The following SETD1A variants were observed in gnomAD, a reference collection of about 807,000 sequenced individuals.
SETD1A encodes the protein SET domain containing 1A, histone lysine methyltransferase, also known as histone-lysine N-methyltransferase SETD1A.
In SETD1A, 29 loss-of-function variants were observed where a neutral mutation model predicts 149.9. The observed-to-expected ratio is 0.19, with a 90% CI of 0.14 to 0.26. The LOEUF is 0.26. Among genes scored for constraint, SETD1A ranks in the 10% least tolerant of loss-of-function variants. The probability of loss-of-function intolerance (pLI) is 1.00; values close to 1 mark genes in which losing one functional copy is unlikely to be tolerated. For synonymous variants in SETD1A, 1,141 were observed against 968.5 expected (o/e 1.18, Z -3.31); for missense variants, 2,109 against 2,353.1 (o/e 0.90, Z 2.15).
intron 12 of SETD1A, 91 bp downstream of exon 12, chr16:30,969,780 CTGGGCT>C: frequency 9.7e-7 from 1 of 1,026,266 alleles, no homozygotes; most frequent in Non-Finnish European, 1.5e-6. Context: ...GACCTTCCTG[CTGGGCT>C]TGTGGGTCAC....
Position 30,963,536 on chromosome 16 carries a change from G to A in SETD1A, c.621G>A (p.Ser207=), listed in dbSNP as rs141357385. 1.3e-4 allele frequency: 206 copies of A among 1,612,960 alleles called. No individual in the cohort carries two copies. The African/African-American group carries it at 2.3e-3, about 18-fold the overall frequency. The change falls in exon 5 of 19, where the codon TCG becomes TCA. Residue 207 remains serine (S), a synonymous_variant. Coordinates refer to ENST00000262519, the MANE Select transcript of SETD1A (RefSeq NM_014712.3). ...GKALSEKFQG[S]GAATETAESR... ...CCCTGAGTGAGAAGTTCCAAGGCTCGGGTGCAGCCACTGAGACGGTGAGAA... is the reference window on the plus strand; with the variant it reads ...CCCTGAGTGAGAAGTTCCAAGGCTCAGGTGCAGCCACTGAGACGGTGAGAA...
chr16:30,971,522 C>T lies in SETD1A; in HGVS notation c.3161C>T (p.Ser1054Phe), dbSNP rs1160667324. 2 of 1,613,730 alleles carry T rather than the reference C, an allele frequency of 1.2e-6. No homozygotes were observed. Among genetic ancestry groups the T allele is most frequent in the Non-Finnish European group, 1.7e-6 (2 of 1,179,860 alleles). The change falls in exon 13 of 19, where the codon TCC (serine) becomes TTC (phenylalanine). Residue 1054 changes from serine (S) to phenylalanine (F), a missense_variant. Physicochemically the swap from Ser to Phe is radical, Grantham distance 155. Around this residue, in one of 8 missense-constraint regions of SETD1A, gnomAD observed 832 missense variants for 815.6 expected, o/e 1.02. Coordinates refer to ENST00000262519, the MANE Select transcript of SETD1A (RefSeq NM_014712.3). ...SSSSSSSSSS[S>F]SSSSESSSED... ...TCCTCCTCGTCCTCATCCTCCTCGTCCTCTTCATCCTCTGAGTCCTCCTCT... is the reference window on the plus strand; with the variant it reads ...TCCTCCTCGTCCTCATCCTCCTCGTTCTCTTCATCCTCTGAGTCCTCCTCT...
At chr16:30,978,816 C>T (rs1417145451) in intron 13 of SETD1A, among the ~76,000 whole-genome samples, 3 of 152,168 alleles carry the variant, frequency 2.0e-5, no homozygotes, top group South Asian at 2.1e-4. Flanking sequence ...GAGTCCAGGG[C>T]GAGTGGTGCC....
chr16:30,982,937 G>C (rs957698448), intron 17 of SETD1A, among the ~76,000 whole-genome samples: 1 of 152,174 alleles, frequency 6.6e-6, no homozygotes, highest in East Asian at 1.9e-4. Flanking sequence ...ACAAATATAT[G>C]GTCAAGATGA....
rs569639245 is a variant in SETD1A at position 30,984,378 on chromosome 16, G to A, written c.*355G>A. The A allele has an allele frequency of 2.9e-4, 65 of 227,740 alleles. No individual in the cohort carries two copies. Among genetic ancestry groups the A allele is most frequent in the Admixed American group, 2.7e-3 (52 of 19,402 alleles). 14.1% of individuals were successfully genotyped at this position (227,740 alleles called of 1,614,324 possible). A position where few individuals can be genotyped will look rare whatever the true frequency, so the allele number is the denominator to read the frequency against. ...TGTGTTAATGGGGACTTCCCCTTAC[G>A]CCCTGCGTGTACCCCTCCCCAGTTT... On this transcript the variant is annotated 3_prime_UTR_variant, in exon 19 of 19. Coordinates refer to ENST00000262519, the MANE Select transcript of SETD1A (RefSeq NM_014712.3).
At chr16:30,971,844 A>T (rs981923050) in intron 13 of SETD1A, 125 bp downstream of exon 13, 2 of 1,253,116 alleles carry the variant, frequency 1.6e-6, no homozygotes. Context: ...AGAAAATGTC[A>T]CCATCTCCTG....
At chr16:30,973,058 C>T (rs374407220) in intron 13 of SETD1A, among the ~76,000 whole-genome samples, 7 of 151,982 alleles carry the variant, frequency 4.6e-5, no homozygotes, top group Admixed American at 2.6e-4. Flanking sequence ...GGGGAAGCAG[C>T]GGGTTGGAAG....
chr16:30,966,055 C>T lies in SETD1A; in HGVS notation c.2174C>T (p.Ala725Val), dbSNP rs532924673. 6 of 1,574,620 alleles carry T rather than the reference C, an allele frequency of 3.8e-6. No homozygotes were observed. The East Asian group carries it at 6.7e-5, about 18-fold the overall frequency. The stretch of plus-strand genomic sequence containing the variant: ...CCGTTTCCACCCCCGCAGGAGGCAG[C>T]CTACGGCTTGCCGTATGCTCTATAT... ...FLPFPPPQEA[A>V]YGLPYALYAQ... Residue 725 changes from alanine to valine, a missense_variant, in exon 8 of 19, where the codon GCC becomes GTC. By Grantham distance (64) the Ala-to-Val change is moderately conservative. Transcript: ENST00000262519.
chr16:30,963,386 A>G, intron 4 of SETD1A, 47 bp from the exon 5 acceptor site: 1 of 1,539,482 alleles, frequency 6.5e-7, no homozygotes, highest in South Asian at 1.2e-5. Flanking sequence ...ATCAGGAAGG[A>G]GTTAGTATCT....
chr16:30,979,542 C>T lies in SETD1A; in HGVS notation c.3756C>T (p.Asp1252=). 6.2e-7 allele frequency: 1 copy of T among 1,608,254 alleles called. No individual in the cohort carries two copies. Among genetic ancestry groups the T allele is most frequent in the Non-Finnish European group, 8.5e-7 (1 of 1,178,564 alleles). Residue 1252 remains aspartate, a synonymous_variant, in exon 14 of 19, where the codon GAC becomes GAT. Coordinates refer to ENST00000262519, the MANE Select transcript of SETD1A (RefSeq NM_014712.3). The part of the protein sequence containing the change: ...EEEAEPGTEV[D]LAVLADLALT... ...AGGCTGAGCCAGGGACAGAGGTGGA[C>T]CTGGCGGTCCTGGCCGACCTGGCCC...
At chr16:30,967,151 T>C (rs2056159647) in intron 9 of SETD1A, 91 bp downstream of exon 9, 1 of 980,694 alleles carries the variant, frequency 1.0e-6, no homozygotes, top group South Asian at 1.7e-5. Context: ...ACCATGAGTG[T>C]TTGAGTTTTT....
chr16:30,965,219 G>A lies in SETD1A; in HGVS notation c.1477G>A (p.Glu493Lys), dbSNP rs559882436. 3 of 1,614,164 alleles carry A rather than the reference G, an allele frequency of 1.9e-6. No homozygotes were observed. The highest frequency in any genetic ancestry group is 1.1e-5 in the South Asian group (1 of 91,088). ...AQHSSLDSRI[E>K]MLLKEQRSKF... Reference sequence around the variant, plus strand: ...GCACAGCAGCCTGGATTCCCGCATCGAGATGCTGCTGAAGGAGCAGCGCTC... The same window carrying A: ...GCACAGCAGCCTGGATTCCCGCATCAAGATGCTGCTGAAGGAGCAGCGCTC... Residue 493 changes from glutamate to lysine, a missense_variant, in exon 7 of 19, where the codon GAG (glutamate) becomes AAG (lysine). Glu to Lys is a moderately conservative substitution (Grantham distance 56). Transcript: ENST00000262519.
At chr16:30,967,256 C>T (rs1197599001) in intron 9 of SETD1A, among the ~76,000 whole-genome samples, 196 bp downstream of exon 9, 2 of 152,106 alleles carry the variant, frequency 1.3e-5, no homozygotes, top group African/African-American at 2.4e-5. Context: ...CGGGTTCAAG[C>T]GATTCTCCTG....
Position 30,981,191 on chromosome 16 carries a change from A to G in SETD1A, c.4812+11A>G. The G allele has an allele frequency of 1.2e-6, 2 of 1,613,422 alleles. No homozygotes were observed. The highest frequency in any genetic ancestry group is 1.7e-6 in the Non-Finnish European group (2 of 1,179,608). ...CAGAACATCCGTCAGGTGAGGCTGCACTCCCAGCCCCGCCCCGGCTTCTGA... is the reference window on the plus strand; with the variant it reads ...CAGAACATCCGTCAGGTGAGGCTGCGCTCCCAGCCCCGCCCCGGCTTCTGA... On this transcript the variant is annotated intron_variant, in intron 17 of 18. Transcript: ENST00000262519.
chr16:30,972,449 A>T (rs2056236797), intron 13 of SETD1A, among the ~76,000 whole-genome samples: 1 of 151,676 alleles, frequency 6.6e-6, no homozygotes, highest in African/African-American at 2.4e-5. Flanking sequence ...ATCCTGGCTA[A>T]CATGGTTGAA....
chr16:30,958,675 C>T (rs902594085), intron 1 of SETD1A, 42 bp from the exon 2 acceptor site: 2 of 1,555,392 alleles, frequency 1.3e-6, no homozygotes, highest in Non-Finnish European at 1.8e-6. Context: ...GAGTCAGGCC[C>T]CAAGTCCTGA....
rs71374043 is a variant in SETD1A at position 30,960,730 on chromosome 16, C to CTTTTTTTTTTT, written c.247-524_247-514dup. Among the ~76,000 whole-genome samples the CTTTTTTTTTTT allele has an allele frequency of 3.0e-4, 24 of 80,554 alleles. 1 individual carries two copies. The highest frequency in any genetic ancestry group is 4.9e-4 in the African/African-American group (11 of 22,478). The allele number at this position is 80,554 out of a possible 152,430, so 52.8% of individuals were successfully genotyped here. On this transcript the variant is annotated intron_variant, in intron 3 of 18. Transcript: ENST00000262519. ...AGTGTGTACATTTCTTTCTTTCTTT[C>CTTTTTTTTTTT]TTTTTTTTTTTTTTTTTTTTTTTGA...
In SETD1A at chr16:30,969,589, CTT is replaced by C. The variant is rs748138673; in HGVS notation, c.2929-8_2929-7del. The C allele has an allele frequency of 3.1e-5, 50 of 1,613,180 alleles. No homozygotes were observed. Among genetic ancestry groups the C allele is most frequent in the Non-Finnish European group, 4.1e-5 (48 of 1,179,352 alleles). On this transcript the variant is annotated splice_polypyrimidine_tract_variant and intron_variant, in intron 11 of 18. Coordinates refer to ENST00000262519, the MANE Select transcript of SETD1A (RefSeq NM_014712.3). ...CCCCTTCCTGTTAGTCCTCATTTGT[CTT>C]TTTTCTTAAGGATGAGGAGGATGAC...
At position 30,965,999 on chromosome 16, in the gene SETD1A, C is replaced by G. The variant is rs753760578; in HGVS notation, c.2118C>G (p.Pro706=). Reference sequence around the variant, plus strand: ...GATTGATTGCCGCCTCAGCTGGCCCCCCCGGTGGGGCCTTTGGGGAGGCCT... The same window carrying G: ...GATTGATTGCCGCCTCAGCTGGCCCGCCCGGTGGGGCCTTTGGGGAGGCCT... The part of the protein sequence containing the change: ...GKGLIAASAG[P]PGGAFGEAFL... Residue 706 remains proline, a synonymous_variant, in exon 8 of 19, where the codon CCC becomes CCG. Transcript: ENST00000262519. The G allele has an allele frequency of 1.3e-6, 2 of 1,576,656 alleles. No individual in the cohort carries two copies. Among genetic ancestry groups the G allele is most frequent in the Non-Finnish European group, 1.7e-6 (2 of 1,161,214 alleles).
Sources: allele counts gnomAD v4.1 joint callset (sites outside exome capture counted in the v4.1 genomes callset), GRCh38; gene constraint gnomAD v4.1.1; regional missense constraint gnomAD v4.1.1; transcripts MANE v1.5; gene names NCBI Gene and HGNC (gene_info 2026-07-23, HGNC 2026-07-21).